The following CDC42BPA variants were observed in gnomAD, a reference collection of about 807,000 sequenced individuals.
CDC42BPA encodes serine/threonine-protein kinase MRCK alpha.
In CDC42BPA, 80 loss-of-function variants were observed where a neutral mutation model predicts 223.5. That is an observed-to-expected ratio of 0.36 (90% CI 0.30 to 0.43). CDC42BPA has a LOEUF of 0.43. CDC42BPA is among the 20% of genes least tolerant of loss of function. CDC42BPA has a pLI of 1.00. For synonymous variants in CDC42BPA, 694 were observed against 718.6 expected (o/e 0.97, Z 0.55); for missense variants, 1,743 against 2,099.9 (o/e 0.83, Z 3.32).
At position 227,081,160 on chromosome 1, in the gene CDC42BPA, T is replaced by G. The variant is rs539440832; in HGVS notation, c.2356-143A>C. The G allele has an allele frequency of 1.4e-3, 1,062 of 744,956 alleles. 4 individuals carry two copies. Among genetic ancestry groups the G allele is most frequent in the Non-Finnish European group, 2.0e-3 (938 of 464,130 alleles). The allele number at this position is 744,956 out of a possible 1,614,324, so 46.1% of individuals were successfully genotyped here. A position where few individuals can be genotyped will look rare whatever the true frequency, so the allele number is the denominator to read the frequency against. ...TAATAATCCCTTTTGCTCACTGAAT[T>G]TGGATATCAAGTACTCTGAATTCTC... On this transcript the variant is annotated intron_variant, in intron 16 of 36. Coordinates refer to ENST00000366766, the MANE Select transcript of CDC42BPA (RefSeq NM_001394014.1).
At chr1:227,015,164 C>T (rs903469779) in intron 34 of CDC42BPA, among the ~76,000 whole-genome samples, 3 of 151,988 alleles carry the variant, frequency 2.0e-5, no homozygotes, top group Admixed American at 6.6e-5. Context: ...TGGTGGCTCA[C>T]GCCTGTAATC....
rs1424151018 is a variant in CDC42BPA, at chr1:227,028,776, A to G, written c.4313T>C (p.Val1438Ala). The G allele has an allele frequency of 6.2e-7, 1 of 1,614,076 alleles. No homozygotes were observed. The highest frequency in any genetic ancestry group is 1.3e-5 in the African/African-American group (1 of 75,050). Reference protein sequence around the residue: ...AHQPMDAICAVEISSKEYLLC... With the variant: ...AHQPMDAICAAEISSKEYLLC... The stretch of plus-strand genomic sequence containing the variant: ...CAGATATTCTTTACTGGAGATCTCA[A>G]CTGCGCAGATAGCATCCATTGGTTG... Residue 1438 changes from valine (V) to alanine (A), a missense_variant, in exon 30 of 37, where the codon GTT (valine) becomes GCT (alanine). Val to Ala is a moderately conservative substitution (Grantham distance 64, BLOSUM62 0). Around this residue, in one of 6 missense-constraint regions of CDC42BPA, gnomAD observed 678 missense variants for 777.5 expected, o/e 0.87. Transcript: ENST00000366766.
intron 1 of CDC42BPA, among the ~76,000 whole-genome samples, chr1:227,262,733 C>T (rs1233702096): frequency 6.6e-6 from 1 of 152,190 alleles, no homozygotes; most frequent in Non-Finnish European, 1.5e-5. Context: ...AACTCTACCT[C>T]CTGTGACACA....
At chr1:227,180,231 T>A (rs1039126730) in intron 5 of CDC42BPA, among the ~76,000 whole-genome samples, 6 of 151,800 alleles carry the variant, frequency 4.0e-5, no homozygotes, top group Non-Finnish European at 7.4e-5. Context: ...TCAATCAATC[T>A]GCCTTTGAAG....
At chr1:227,279,298 G>A (rs1024415723) in intron 1 of CDC42BPA, among the ~76,000 whole-genome samples, 2 of 151,996 alleles carry the variant, frequency 1.3e-5, no homozygotes, top group Admixed American at 1.3e-4. Flanking sequence ...ATAAATTCTG[G>A]TCTCTTTTGA....
chr1:227,100,985 T>G lies in CDC42BPA; in HGVS notation c.2249+7A>C, dbSNP rs1208879789. 6.9e-7 allele frequency: 1 copy of G among 1,454,612 alleles called. No homozygotes were observed. Among genetic ancestry groups the G allele is most frequent in the Non-Finnish European group, 9.6e-7 (1 of 1,045,560 alleles). 90.1% of individuals were successfully genotyped at this position (1,454,612 alleles called of 1,614,324 possible). On this transcript the variant is annotated splice_region_variant and intron_variant, in intron 15 of 36. Transcript: ENST00000366766. The stretch of plus-strand genomic sequence containing the variant: ...ATTTACTGTATAGTAAATAATGTGA[T>G]TCTTACCTTTCTCTTCTGGTTTTTT...
chr1:227,224,070 C>G (rs115808983), intron 2 of CDC42BPA, among the ~76,000 whole-genome samples: 1,568 of 152,228 alleles, frequency 0.01, 33 homozygotes, highest in African/African-American at 0.035. Context: ...TTTCAAAAGA[C>G]AGGTGGCATC....
chr1:227,121,623 G>A (rs899615169), intron 11 of CDC42BPA, among the ~76,000 whole-genome samples: 12 of 152,136 alleles, frequency 7.9e-5, no homozygotes, highest in African/African-American at 2.9e-4. Flanking sequence ...ATCATAGGGT[G>A]TTTAATCTTA....
intron 2 of CDC42BPA, among the ~76,000 whole-genome samples, chr1:227,243,908 T>C (rs984458718): frequency 6.6e-6 from 1 of 151,726 alleles, no homozygotes; most frequent in African/African-American, 2.4e-5. Flanking sequence ...GGAAAGGATA[T>C]CTAAGTGATG....
intron 1 of CDC42BPA, among the ~76,000 whole-genome samples, chr1:227,256,989 A>ACACACACACACACACACACC (rs781287283): frequency 1.9e-4 from 28 of 146,720 alleles, no homozygotes; most frequent in African/African-American, 7.0e-4. Flanking sequence ...ACACACACAC[A>ACACACACACACACACACACC]CCAGTATGTT....
At chr1:227,312,961 T>G (rs1221812557) in intron 1 of CDC42BPA, among the ~76,000 whole-genome samples, 1 of 152,184 alleles carries the variant, frequency 6.6e-6, no homozygotes, top group Non-Finnish European at 1.5e-5. Context: ...GCATGCCTCC[T>G]TGTAGCCTGC....
chr1:227,187,347 T>C (rs1668937342), intron 5 of CDC42BPA, among the ~76,000 whole-genome samples: 1 of 152,124 alleles, frequency 6.6e-6, no homozygotes, highest in Admixed American at 6.5e-5. Flanking sequence ...TCAGAAATGC[T>C]AGAGATCAAA....
rs1414314837 is a variant in CDC42BPA at position 227,306,490 on chromosome 1, A to G, written c.178+10515T>C. On this transcript the variant is annotated intron_variant, in intron 1 of 36. Transcript: ENST00000366766. The stretch of plus-strand genomic sequence containing the variant: ...TAACACAGCAAAGGACTCTTAGAAG[A>G]AACTGTCAACTTAGCATGTATTAGT... 2.6e-5 allele frequency among the ~76,000 whole-genome samples: 4 copies of G among 152,336 alleles called. No individual in the cohort carries two copies. The East Asian group carries it at 7.7e-4, about 29-fold the overall frequency.
chr1:227,285,389 C>G (rs753923523), intron 1 of CDC42BPA, among the ~76,000 whole-genome samples: 3 of 152,206 alleles, frequency 2.0e-5, no homozygotes, highest in African/African-American at 7.2e-5. Flanking sequence ...CTTCTGAGGA[C>G]TTTACATCTT....
intron 11 of CDC42BPA, among the ~76,000 whole-genome samples, chr1:227,124,055 T>G (rs972010339): frequency 1.3e-5 from 2 of 152,128 alleles, no homozygotes; most frequent in African/African-American, 4.8e-5. Flanking sequence ...TTTAAAAAAA[T>G]TTTATTTTTG....
Position 227,223,846 on chromosome 1 carries a change from A to G in CDC42BPA, c.271-10627T>C, listed in dbSNP as rs534842427. On this transcript the variant is annotated intron_variant, in intron 2 of 36. Transcript: ENST00000366766. The stretch of plus-strand genomic sequence containing the variant: ...GGATGCTGGTCAGTTGCAGCGAGCC[A>G]CAGCTCTCACGCAGTCATGAGGGCA... 6.6e-5 allele frequency among the ~76,000 whole-genome samples: 10 copies of G among 152,330 alleles called. No individual in the cohort carries two copies. The South Asian group carries it at 2.1e-3, about 32-fold the overall frequency.
At chr1:227,283,133 C>T (rs903883625) in intron 1 of CDC42BPA, among the ~76,000 whole-genome samples, 4 of 152,016 alleles carry the variant, frequency 2.6e-5, no homozygotes, top group Admixed American at 2.0e-4. Context: ...ATTTTAGTGG[C>T]AGAACATCAC....
chr1:227,315,954 CCA>C (rs1491205649), intron 1 of CDC42BPA, among the ~76,000 whole-genome samples: 19 of 59,990 alleles, frequency 3.2e-4, no homozygotes, highest in African/African-American at 1.3e-3. Flanking sequence ...AATTTCAAAT[CCA>C]AAAAAAAAAA....
At chr1:227,006,895 C>A (rs778791515) in intron 34 of CDC42BPA, among the ~76,000 whole-genome samples, 2 of 151,874 alleles carry the variant, frequency 1.3e-5, no homozygotes, top group Admixed American at 6.6e-5. Flanking sequence ...GCCAAGATCA[C>A]GCCACTGCAC....
Sources: gnomAD v4.1 joint callset for allele counts (sites outside exome capture counted in the v4.1 genomes callset) on GRCh38, gnomAD v4.1.1 for gene constraint, gnomAD v4.1.1 regional missense constraint, MANE v1.5 for transcripts, NCBI Gene and HGNC (gene_info 2026-07-23, HGNC 2026-07-21) for gene names.